Variants in ARHGEF10L observed in about 807,000 individuals in gnomAD.
ARHGEF10L encodes Rho guanine nucleotide exchange factor 10 like.
ARHGEF10L carries 69 observed loss-of-function variants against 141.2 expected under a neutral mutation model. That is an observed-to-expected ratio of 0.49 (90% CI 0.40 to 0.60). The LOEUF (loss-of-function observed/expected upper bound fraction) is 0.60. ARHGEF10L is among the 20% of genes least tolerant of loss of function. ARHGEF10L has a pLI of 0.00. For synonymous variants in ARHGEF10L, 711 were observed against 718.5 expected (o/e 0.99, Z 0.17); for missense variants, 1,482 against 1,734.3 (o/e 0.85, Z 2.58).
chr1:17,529,451 G>T, the ARHGEF10L span, among the ~76,000 whole-genome samples: 2 of 152,220 alleles, frequency 1.3e-5, no homozygotes, highest in Admixed American at 6.5e-5. Flanking sequence ...TTCTCAGGGT[G>T]GGGAGGGCTA....
chr1:17,649,470 G>A (rs183325260), intron 22 of ARHGEF10L, among the ~76,000 whole-genome samples: 7 of 152,298 alleles, frequency 4.6e-5, no homozygotes, highest in Non-Finnish European at 8.8e-5. Flanking sequence ...CAAGAGATGC[G>A]CCGATTGGGC....
intron 26 of ARHGEF10L, among the ~76,000 whole-genome samples, chr1:17,681,178 A>G (rs762493451): frequency 3.3e-5 from 5 of 152,212 alleles, no homozygotes; most frequent in East Asian, 1.9e-4. Context: ...TGTTGCTACA[A>G]TCTTCCCCCA....
At chr1:17,557,202 G>T (rs747232639) in intron 1 of ARHGEF10L, among the ~76,000 whole-genome samples, 1 of 151,880 alleles carries the variant, frequency 6.6e-6, no homozygotes, top group South Asian at 2.1e-4. Flanking sequence ...AATTAGCTGG[G>T]TGTGGTGGCA....
intron 4 of ARHGEF10L, among the ~76,000 whole-genome samples, chr1:17,600,075 T>C (rs1293739668): frequency 6.6e-6 from 1 of 152,184 alleles, no homozygotes; most frequent in Non-Finnish European, 1.5e-5. Context: ...CTAGACAAGC[T>C]GGCCTCATGG....
chr1:17,576,921 C>A (rs1424295565), intron 1 of ARHGEF10L, among the ~76,000 whole-genome samples: 1 of 152,240 alleles, frequency 6.6e-6, no homozygotes, highest in Non-Finnish European at 1.5e-5. Context: ...TGCCCTCCTC[C>A]TTTGGACTCA....
rs75022528 is a variant in ARHGEF10L, at chr1:17,662,364, G to A, written c.2861-2083G>A. Among the ~76,000 whole-genome samples, 1,380 of 152,332 alleles carry A rather than the reference G, an allele frequency of 9.1e-3. 41 individuals are homozygous for A. The highest frequency in any genetic ancestry group is 0.062 in the Admixed American group (951 of 15,296). The stretch of plus-strand genomic sequence containing the variant: ...CTGCAACATCCGGAGAAGGGCAGGC[G>A]TGGTTATCATGCCCAGTGTGCAGAT... On this transcript the variant is annotated intron_variant, in intron 25 of 28. Coordinates refer to ENST00000361221, the MANE Select transcript of ARHGEF10L (RefSeq NM_018125.4).
At chr1:17,528,333 G>A in the ARHGEF10L span, among the ~76,000 whole-genome samples, 1 of 151,634 alleles carries the variant, frequency 6.6e-6, no homozygotes, top group African/African-American at 2.4e-5. Flanking sequence ...TCCCACTTTA[G>A]CCTCCCAAGT....
chr1:17,687,455 C>G (rs1194524808), intron 26 of ARHGEF10L, 118 bp from the exon 27 acceptor site: 1 of 1,158,486 alleles, frequency 8.6e-7, no homozygotes, highest in Non-Finnish European at 1.2e-6. Flanking sequence ...TTCTAATGTT[C>G]CCTGAGTAGC....
At chr1:17,594,624 A>T (rs2079900655) in intron 4 of ARHGEF10L, among the ~76,000 whole-genome samples, 1 of 152,164 alleles carries the variant, frequency 6.6e-6, no homozygotes, top group Admixed American at 6.5e-5. Context: ...CTGGGATTAC[A>T]GGCACCCGCC....
At chr1:17,594,503 A>T (rs2079888647) in intron 4 of ARHGEF10L, among the ~76,000 whole-genome samples, 1 of 151,972 alleles carries the variant, frequency 6.6e-6, no homozygotes, top group Non-Finnish European at 1.5e-5. Context: ...TTCTTTTGAG[A>T]TGGAGTCTCT....
At position 17,553,173 on chromosome 1, in the gene ARHGEF10L, G is replaced by A. The variant is rs1026506893; in HGVS notation, c.-44+13223G>A. 1.2e-4 allele frequency among the ~76,000 whole-genome samples: 19 copies of A among 152,316 alleles called. 2 individuals carry two copies. In the South Asian group the frequency reaches 3.5e-3, roughly 28 times the overall value. ...TTTCACTCCTCCAGGGCCTCAGAGG[G>A]GGACTGGACTGGGAGCCAGTTGCCT... On this transcript the variant is annotated intron_variant, in intron 1 of 28. Transcript: ENST00000361221.
Position 17,673,005 on chromosome 1 carries a change from C to T in ARHGEF10L, c.3009+8410C>T, listed in dbSNP as rs1490237364. On this transcript the variant is annotated intron_variant, in intron 26 of 28. Coordinates refer to ENST00000361221, the MANE Select transcript of ARHGEF10L (RefSeq NM_018125.4). This position sits in a 1 kb window ranked among gnomAD's most constrained non-coding sequence, Gnocchi z 4.1. Reference sequence around the variant, plus strand: ...CTTTCCTGTGTCTAGCACTTGGATTCCCCCCAACCAGAAGATTTAGGTGAT... The same window carrying T: ...CTTTCCTGTGTCTAGCACTTGGATTTCCCCCAACCAGAAGATTTAGGTGAT... Among the ~76,000 whole-genome samples, 3 of 152,004 alleles carry T rather than the reference C, an allele frequency of 2.0e-5. No individual in the cohort carries two copies. Among genetic ancestry groups the T allele is most frequent in the African/African-American group, 7.3e-5 (3 of 41,366 alleles).
At chr1:17,612,950 C>A in intron 7 of ARHGEF10L, 108 bp from the exon 8 acceptor site, 1 of 759,692 alleles carries the variant, frequency 1.3e-6, no homozygotes, top group Non-Finnish European at 2.3e-6. Flanking sequence ...TGTCCGTCCG[C>A]ACTTTACCTG....
rs1405361370 is a variant in ARHGEF10L, at chr1:17,687,817, C to G, written c.3184+70C>G. The stretch of plus-strand genomic sequence containing the variant: ...CTTCCACGGCCAGGTAGTGGTGTGA[C>G]CTGGGCAGCCCATCCCATTTTCCCT... On this transcript the variant is annotated intron_variant, in intron 27 of 28. Coordinates refer to ENST00000361221, the MANE Select transcript of ARHGEF10L (RefSeq NM_018125.4). 2.1e-6 allele frequency: 3 copies of G among 1,454,562 alleles called. No individual in the cohort carries two copies. In the African/African-American group the frequency reaches 4.3e-5, roughly 21 times the overall value. The allele number at this position is 1,454,562 out of a possible 1,614,324, so 90.1% of individuals were successfully genotyped here.
chr1:17,663,664 G>A (rs572090043), intron 25 of ARHGEF10L, among the ~76,000 whole-genome samples: 4 of 152,130 alleles, frequency 2.6e-5, no homozygotes, highest in South Asian at 2.1e-4. Flanking sequence ...CCTTGGAGTC[G>A]GCCAGAAGAT....
At position 17,656,749 on chromosome 1, in the gene ARHGEF10L, A is replaced by T; in HGVS notation, c.2860+41A>T. The T allele has an allele frequency of 1.3e-6, 2 of 1,584,638 alleles. No individual in the cohort carries two copies. Among genetic ancestry groups the T allele is most frequent in the Non-Finnish European group, 1.7e-6 (2 of 1,162,004 alleles). On this transcript the variant is annotated intron_variant, in intron 25 of 28. Transcript: ENST00000361221. The surrounding 1 kb of genome is among the most constrained non-coding windows in gnomAD (Gnocchi z 4.9). ...AATGGGGGAAGGGGGGCAGTCCTGG[A>T]TGCCAGCTGGGTGCCAGATTCTCTA...
At position 17,628,127 on chromosome 1, in the gene ARHGEF10L, C is replaced by A. The variant is rs571677210; in HGVS notation, c.1584+624C>A. Among the ~76,000 whole-genome samples the A allele has an allele frequency of 4.3e-4, 66 of 152,038 alleles. No individual in the cohort carries two copies. In the South Asian group the frequency reaches 0.013, roughly 31 times the overall value. ...CTGAGGCAGGCAGATCACCTGAGGT[C>A]AGGAGTTCGAGACCAGCCTGGCCAA... On this transcript the variant is annotated intron_variant, in intron 15 of 28. Coordinates refer to ENST00000361221, the MANE Select transcript of ARHGEF10L (RefSeq NM_018125.4).
chr1:17,570,066 C>G (rs1010596123), intron 1 of ARHGEF10L, among the ~76,000 whole-genome samples: 3 of 152,086 alleles, frequency 2.0e-5, no homozygotes, highest in Admixed American at 1.3e-4. Flanking sequence ...AGGGAGGGGC[C>G]CAGCTGTGGC....
chr1:17,534,986 G>T (rs141481822), upstream of ARHGEF10L, among the ~76,000 whole-genome samples: 9 of 152,218 alleles, frequency 5.9e-5, no homozygotes, highest in South Asian at 1.2e-3. Flanking sequence ...TGGATGGGGT[G>T]GGGGGATGGT....
Sources: allele counts gnomAD v4.1 joint callset (sites outside exome capture counted in the v4.1 genomes callset), GRCh38; gene constraint gnomAD v4.1.1; non-coding constraint Gnocchi (gnomAD v3.1); transcripts MANE v1.5; gene names NCBI Gene and HGNC (gene_info 2026-07-23, HGNC 2026-07-21).